The following DLG2 variants were observed in gnomAD, a reference collection of about 807,000 sequenced individuals.
The protein encoded by DLG2 is discs large MAGUK scaffold protein 2.
DLG2 carries 45 observed loss-of-function variants against 132.5 expected under a neutral mutation model. That is an observed-to-expected ratio of 0.34 (90% confidence interval 0.27 to 0.44). DLG2 has a LOEUF of 0.44. Among genes scored for constraint, DLG2 ranks in the 20% least tolerant of loss-of-function variants. DLG2 has a pLI of 1.00. For synonymous variants in DLG2, 424 were observed against 419.6 expected, an observed-to-expected ratio of 1.01 and a Z score of -0.13; for missense variants, 1,045 against 1,196.9, an observed-to-expected ratio of 0.87 and a Z score of 1.87.
At chr11:85,167,350 A>G (rs1015355773) in intron 4 of DLG2, among the ~76,000 whole-genome samples, 1 of 152,120 alleles carries the variant, frequency 6.6e-6, no homozygotes. Flanking sequence ...CATACAAAAG[A>G]AATGTTACAA....
intron 14 of DLG2, among the ~76,000 whole-genome samples, chr11:83,943,763 C>A (rs964767978): frequency 6.6e-6 from 1 of 152,150 alleles, no homozygotes; most frequent in African/African-American, 2.4e-5. Context: ...TATTTACTGC[C>A]CTTAGAAAAC....
At chr11:83,613,840 T>C (rs982539914) in intron 19 of DLG2, among the ~76,000 whole-genome samples, 4 of 152,206 alleles carry the variant, frequency 2.6e-5, no homozygotes, top group African/African-American at 9.7e-5. Flanking sequence ...CTGGGATCAC[T>C]AGCAAAGCTT....
At chr11:85,595,481 C>T (rs1003257993) in intron 3 of DLG2, among the ~76,000 whole-genome samples, 2 of 152,058 alleles carry the variant, frequency 1.3e-5, no homozygotes, top group South Asian at 4.1e-4. Flanking sequence ...CAAGATGTCA[C>T]CCTAAGCCTA....
At chr11:85,471,975 A>G (rs2092998013) in intron 3 of DLG2, among the ~76,000 whole-genome samples, 2 of 152,190 alleles carry the variant, frequency 1.3e-5, no homozygotes, top group Admixed American at 1.3e-4. Context: ...ACAGAATAAT[A>G]TCTACAAAAT....
rs910065305 is a variant in DLG2 at position 83,458,953 on chromosome 11, G to A, written c.*865C>T. The A allele has an allele frequency of 6.6e-6, 1 of 152,124 alleles. No homozygotes were observed. The highest frequency in any genetic ancestry group is 1.5e-5 in the Non-Finnish European group (1 of 68,008). 9.4% of individuals were successfully genotyped at this position (152,124 alleles called of 1,614,324 possible). ...ACTCAGATGCTCTTAACAGATCATT[G>A]GCAACAAAAGGGAGAGTGCAACTTT... On this transcript the variant is annotated 3_prime_UTR_variant, in exon 28 of 28. Transcript: ENST00000376104.
rs372148997 is a variant in DLG2, at chr11:83,466,820, G to T, written c.2620-3C>A. The T allele has an allele frequency of 5.0e-6, 8 of 1,599,194 alleles. No homozygotes were observed. The highest frequency in any genetic ancestry group is 1.1e-5 in the South Asian group (1 of 90,644). On this transcript the variant is annotated splice_region_variant and splice_polypyrimidine_tract_variant and intron_variant, in intron 25 of 27. Transcript: ENST00000376104. ...ACATCAAGTATACAGTGTTTGCCCTGGTAGAAAGAGAAGAAAAATATGAAG... is the reference window on the plus strand; with the variant it reads ...ACATCAAGTATACAGTGTTTGCCCTTGTAGAAAGAGAAGAAAAATATGAAG...
At chr11:84,558,141 T>C (rs1477396268) in intron 6 of DLG2, among the ~76,000 whole-genome samples, 1 of 152,206 alleles carries the variant, frequency 6.6e-6, no homozygotes, top group Non-Finnish European at 1.5e-5. Flanking sequence ...TTAATATTTA[T>C]TCTAAGTGTT....
intron 23 of DLG2, 111 bp from the exon 24 acceptor site, chr11:83,471,838 A>T: frequency 1.2e-6 from 1 of 808,650 alleles, no homozygotes; most frequent in Non-Finnish European, 2.1e-6. Flanking sequence ...TGCTAAGGGC[A>T]TTACTTCACT....
chr11:84,198,926 A>T lies in DLG2; in HGVS notation c.574-35415T>A, dbSNP rs2096557700. On this transcript the variant is annotated intron_variant, in intron 8 of 27. Transcript: ENST00000376104. ...ATGGTGCAGGTGCAGGGAACAGAAAAGGAGATCTGCCAATGATCAAGAAAC... is the reference window on the plus strand; with the variant it reads ...ATGGTGCAGGTGCAGGGAACAGAAATGGAGATCTGCCAATGATCAAGAAAC... 1.3e-5 allele frequency among the ~76,000 whole-genome samples: 2 copies of T among 152,274 alleles called. 1 individual carries two copies. Among genetic ancestry groups the T allele is most frequent in the East Asian group, 3.9e-4 (2 of 5,188 alleles).
intron 17 of DLG2, among the ~76,000 whole-genome samples, chr11:83,820,516 T>C (rs1209110951): frequency 1.3e-5 from 2 of 152,272 alleles, no homozygotes; most frequent in East Asian, 3.9e-4. Flanking sequence ...TGTAACAAGG[T>C]AAACTATGGT....
chr11:84,898,572 T>C (rs982227405), intron 6 of DLG2, among the ~76,000 whole-genome samples: 1 of 151,980 alleles, frequency 6.6e-6, no homozygotes, highest in African/African-American at 2.4e-5. Flanking sequence ...TTTAGAATTA[T>C]TTCTGTTACT....
intron 6 of DLG2, among the ~76,000 whole-genome samples, chr11:84,844,101 ATG>A (rs1566124395): frequency 2.5e-5 from 2 of 79,860 alleles, no homozygotes; most frequent in Non-Finnish European, 5.3e-5. Flanking sequence ...ATATATATAT[ATG>A]TTTGTGTGTG....
At chr11:85,482,158 C>T (rs949711655) in intron 3 of DLG2, among the ~76,000 whole-genome samples, 2 of 151,900 alleles carry the variant, frequency 1.3e-5, no homozygotes, top group African/African-American at 4.8e-5. Context: ...AGCTTCAGGC[C>T]CACTTGACCA....
intron 8 of DLG2, among the ~76,000 whole-genome samples, chr11:84,219,671 G>A (rs887438237): frequency 6.6e-6 from 1 of 152,122 alleles, no homozygotes; most frequent in African/African-American, 2.4e-5. Context: ...TGTTTTCAGC[G>A]AGTGGGAAAT....
chr11:85,523,086 T>C (rs2074443758), intron 3 of DLG2, among the ~76,000 whole-genome samples: 1 of 152,130 alleles, frequency 6.6e-6, no homozygotes, highest in Non-Finnish European at 1.5e-5. Context: ...TCCCCATGTA[T>C]TGGGGGAGGG....
At chr11:83,612,309 C>T (rs1016937760) in intron 19 of DLG2, among the ~76,000 whole-genome samples, 1 of 152,186 alleles carries the variant, frequency 6.6e-6, no homozygotes, top group African/African-American at 2.4e-5. Context: ...CCATATTTTC[C>T]TAATTGTAAA....
intron 19 of DLG2, among the ~76,000 whole-genome samples, chr11:83,630,893 T>C (rs1259916571): frequency 2.0e-5 from 3 of 152,176 alleles, no homozygotes; most frequent in Non-Finnish European, 4.4e-5. Context: ...GTGAGGAGAA[T>C]AACACCATTT....
intron 17 of DLG2, among the ~76,000 whole-genome samples, chr11:83,819,469 CAAAAAAAA>C (rs398016925): frequency 1.1e-4 from 3 of 28,128 alleles, no homozygotes; most frequent in Non-Finnish European, 1.9e-4. Context: ...GACTCTATCT[CAAAAAAAA>C]AAAAAAAAAA....
intron 7 of DLG2, among the ~76,000 whole-genome samples, chr11:84,502,346 CTTT>C (rs2099219167): frequency 6.6e-5 from 3 of 45,134 alleles, no homozygotes; most frequent in African/African-American, 1.4e-4. Flanking sequence ...TTCTTTCTTT[CTTT>C]CTTTCTTTCT....
Sources: gnomAD v4.1 joint callset for allele counts (sites outside exome capture counted in the v4.1 genomes callset) on GRCh38, gnomAD v4.1.1 for gene constraint, MANE v1.5 for transcripts, NCBI Gene and HGNC (gene_info 2026-07-23, HGNC 2026-07-21) for gene names.